The following PALLD variants were observed in gnomAD, a reference collection of about 807,000 sequenced individuals.
PALLD encodes the protein palladin.
Under a neutral mutation model 123.5 loss-of-function variants are expected in PALLD, and 61 were observed. The observed-to-expected ratio is 0.49, with a 90% confidence interval of 0.40 to 0.61. The LOEUF (loss-of-function observed/expected upper bound fraction) is 0.61. PALLD is among the 20% of genes least tolerant of loss of function. The probability of loss-of-function intolerance (pLI) is 0.00; values close to 1 mark genes in which losing one functional copy is unlikely to be tolerated. For missense variants in PALLD, 1,273 were observed against 1,377.0 expected (o/e 0.92, Z 1.20); for synonymous variants, 465 against 496.4 (o/e 0.94, Z 0.84).
intron 10 of PALLD, among the ~76,000 whole-genome samples, chr4:168,728,038 G>A (rs375346347): frequency 2.1e-4 from 32 of 152,184 alleles, no homozygotes; most frequent in South Asian, 2.1e-3. Context: ...TTATTTCTGA[G>A]CTTTCTATTG....
intron 10 of PALLD, among the ~76,000 whole-genome samples, chr4:168,760,815 T>C (rs538898045): frequency 7.7e-4 from 117 of 152,344 alleles, no homozygotes; most frequent in African/African-American, 2.8e-3. Context: ...TAGACACTTA[T>C]GCCTATTGTT....
intron 2 of PALLD, among the ~76,000 whole-genome samples, chr4:168,534,783 T>C (rs1008488367): frequency 2.6e-5 from 4 of 152,218 alleles, no homozygotes; most frequent in Non-Finnish European, 5.9e-5. Context: ...TGTCTTATTT[T>C]CCTTTGAATC....
Position 168,668,089 on chromosome 4 carries a change from T to A in PALLD, c.909-101T>A. 13 of 909,804 alleles carry A rather than the reference T, an allele frequency of 1.4e-5. 1 individual carries two copies. In the South Asian group the frequency reaches 1.5e-4, roughly 10 times the overall value. 56.4% of individuals were successfully genotyped at this position (909,804 alleles called of 1,614,324 possible). A position where few individuals can be genotyped will look rare whatever the true frequency, so the allele number is the denominator to read the frequency against. On this transcript the variant is annotated intron_variant, in intron 2 of 21. Transcript: ENST00000505667. Reference sequence around the variant, plus strand: ...TGTTTTTTTTTTAATCAAACAAACATCATTTTGCATAGCAACCAGCCTTCA... The same window carrying A: ...TGTTTTTTTTTTAATCAAACAAACAACATTTTGCATAGCAACCAGCCTTCA...
chr4:168,792,057 C>A (rs1452075649), intron 10 of PALLD, among the ~76,000 whole-genome samples: 1 of 152,160 alleles, frequency 6.6e-6, no homozygotes, highest in Non-Finnish European at 1.5e-5. Flanking sequence ...ATGGTAGACA[C>A]TTTCCTCTGA....
At chr4:168,579,832 T>G (rs1349223670) in intron 2 of PALLD, among the ~76,000 whole-genome samples, 1 of 152,116 alleles carries the variant, frequency 6.6e-6, no homozygotes, top group Non-Finnish European at 1.5e-5. Context: ...GTAAAATGAT[T>G]ACTGCAATCA....
At position 168,830,105 on chromosome 4, in the gene PALLD, G is replaced by A. The variant is rs972059022; in HGVS notation, c.1965-60817G>A. Among the ~76,000 whole-genome samples the A allele has an allele frequency of 5.9e-5, 9 of 151,900 alleles. No individual in the cohort carries two copies. In the East Asian group the frequency reaches 7.7e-4, roughly 13 times the overall value. On this transcript the variant is annotated intron_variant, in intron 10 of 21. Coordinates refer to ENST00000505667, the MANE Select transcript of PALLD (RefSeq NM_001166108.2). Reference sequence around the variant, plus strand: ...AAATTAGCTGGGTGTGGTGGCAGGCGCCTGTTATCCCAGCTACTTGGGAGG... The same window carrying A: ...AAATTAGCTGGGTGTGGTGGCAGGCACCTGTTATCCCAGCTACTTGGGAGG...
chr4:168,542,049 G>T (rs1042827598), intron 2 of PALLD, among the ~76,000 whole-genome samples: 1 of 152,128 alleles, frequency 6.6e-6, no homozygotes, highest in African/African-American at 2.4e-5. Context: ...ATTCGTATGT[G>T]TATGTTTCCC....
At chr4:168,513,983 G>A (rs572600388) in intron 2 of PALLD, among the ~76,000 whole-genome samples, 3 of 152,188 alleles carry the variant, frequency 2.0e-5, no homozygotes, top group African/African-American at 7.2e-5. Context: ...GCGAGTGCCT[G>A]TAATTCCAGC....
chr4:168,682,908 G>A (rs556891434), intron 4 of PALLD, 90 bp from the exon 5 acceptor site: 5 of 744,402 alleles, frequency 6.7e-6, no homozygotes, highest in East Asian at 2.7e-5. Context: ...CTGTTGAAAC[G>A]TTTCAAGGAA....
At chr4:168,612,510 G>A (rs901876035) in intron 2 of PALLD, among the ~76,000 whole-genome samples, 1 of 152,176 alleles carries the variant, frequency 6.6e-6, no homozygotes, top group Non-Finnish European at 1.5e-5. Flanking sequence ...CTGAACAATG[G>A]TGAAAGTTTT....
At chr4:168,579,972 T>G (rs1770066838) in intron 2 of PALLD, among the ~76,000 whole-genome samples, 1 of 152,074 alleles carries the variant, frequency 6.6e-6, no homozygotes, top group African/African-American at 2.4e-5. Context: ...TATTGTCCAT[T>G]AAACCTCCAA....
chr4:168,728,133 G>A (rs1297246152), intron 10 of PALLD, among the ~76,000 whole-genome samples: 2 of 152,306 alleles, frequency 1.3e-5, no homozygotes, highest in East Asian at 3.9e-4. Context: ...TTGAAGTCAA[G>A]TAATGTGATA....
rs150959610 is a variant in PALLD at position 168,786,591 on chromosome 4, G to A, written c.1964+74668G>A. 8.2e-3 allele frequency among the ~76,000 whole-genome samples: 1,241 copies of A among 152,262 alleles called. 15 individuals are homozygous for A. Among genetic ancestry groups the A allele is most frequent in the African/African-American group, 0.028 (1,167 of 41,522 alleles). On this transcript the variant is annotated intron_variant, in intron 10 of 21. Coordinates refer to ENST00000505667, the MANE Select transcript of PALLD (RefSeq NM_001166108.2). ...AGGCTGAGGTGGGAGGATAGTTTGA[G>A]TGCAGGAGGTCGAGGCTGCAGTGAG... is the stretch of plus-strand genomic sequence containing the variant.
chr4:168,626,143 G>T (rs1249111779), intron 2 of PALLD, among the ~76,000 whole-genome samples: 1 of 151,302 alleles, frequency 6.6e-6, no homozygotes, highest in Non-Finnish European at 1.5e-5. Flanking sequence ...GCGGGCACCT[G>T]TAATCCCAGC....
chr4:168,853,425 G>A (rs1477668335), intron 10 of PALLD, among the ~76,000 whole-genome samples: 3 of 152,138 alleles, frequency 2.0e-5, no homozygotes, highest in Non-Finnish European at 2.9e-5. Flanking sequence ...CTGGGTGCGT[G>A]GAATTATTAG....
intron 10 of PALLD, among the ~76,000 whole-genome samples, chr4:168,763,166 T>C (rs1334144128): frequency 4.6e-5 from 7 of 152,296 alleles, no homozygotes; most frequent in African/African-American, 1.7e-4. Flanking sequence ...GAAGGTAAAG[T>C]ATAACTTTAA....
chr4:168,577,390 C>T (rs888590432), intron 2 of PALLD, among the ~76,000 whole-genome samples: 4 of 152,026 alleles, frequency 2.6e-5, no homozygotes, highest in African/African-American at 9.7e-5. Context: ...CCTTCTCAGG[C>T]CATATTTAGT....
At chr4:168,752,760 A>G (rs1285343136) in intron 10 of PALLD, among the ~76,000 whole-genome samples, 4 of 152,026 alleles carry the variant, frequency 2.6e-5, no homozygotes, top group Admixed American at 6.6e-5. Context: ...ATTTATATCT[A>G]CTGGTGACCC....
chr4:168,706,408 G>T (rs1784235993), intron 8 of PALLD, among the ~76,000 whole-genome samples: 1 of 152,128 alleles, frequency 6.6e-6, no homozygotes, highest in Non-Finnish European at 1.5e-5. Context: ...AAAGAATAAG[G>T]TGTGTGTTTT....
Sources: allele counts gnomAD v4.1 joint callset (sites outside exome capture counted in the v4.1 genomes callset), GRCh38; gene constraint gnomAD v4.1.1; transcripts MANE v1.5; gene names NCBI Gene and HGNC (gene_info 2026-07-23, HGNC 2026-07-21).